The following BMP2K variants were observed in gnomAD, a reference collection of about 807,000 sequenced individuals.
BMP2K encodes the protein BMP-2-inducible protein kinase.
In BMP2K, 74 loss-of-function variants were observed where a neutral mutation model predicts 116.0. That is an observed-to-expected ratio of 0.64 (90% CI 0.53 to 0.77). The LOEUF (loss-of-function observed/expected upper bound fraction) is 0.77. BMP2K is among the 30% of genes least tolerant of loss of function. The pLI is 0.00. For missense variants in BMP2K, 1,365 were observed against 1,403.6 expected, an observed-to-expected ratio of 0.97 and a Z score of 0.44; for synonymous variants, 486 against 502.5, an observed-to-expected ratio of 0.97 and a Z score of 0.44.
chr4:78,825,889 C>A, intron 1 of BMP2K, 148 bp from the exon 2 acceptor site: 1 of 601,202 alleles, frequency 1.7e-6, no homozygotes, highest in Non-Finnish European at 2.9e-6. Context: ...AGTGTTTTGG[C>A]ATTTAATCTA....
chr4:78,797,712 A>G (rs1728365696), intron 1 of BMP2K, among the ~76,000 whole-genome samples: 1 of 152,172 alleles, frequency 6.6e-6, no homozygotes, highest in Admixed American at 6.5e-5. Context: ...CAGCTTTATA[A>G]GCTTGTCACA....
intron 1 of BMP2K, among the ~76,000 whole-genome samples, chr4:78,819,674 T>G (rs1729520442): frequency 6.6e-6 from 1 of 152,220 alleles, no homozygotes; most frequent in South Asian, 2.1e-4. Flanking sequence ...CACTTTTATG[T>G]CTGACTCCGA....
At chr4:78,792,334 A>G (rs1728042676) in intron 1 of BMP2K, among the ~76,000 whole-genome samples, 1 of 152,232 alleles carries the variant, frequency 6.6e-6, no homozygotes, top group Non-Finnish European at 1.5e-5. Flanking sequence ...CTTTTGCTGC[A>G]TAAGGAAGCA....
chr4:78,890,981 T>C (rs1018251881), intron 15 of BMP2K, among the ~76,000 whole-genome samples: 1 of 152,152 alleles, frequency 6.6e-6, no homozygotes, highest in Non-Finnish European at 1.5e-5. Flanking sequence ...GATTGCTTGC[T>C]TGAGGCCAAG....
At chr4:78,791,644 C>T (rs1185682330) in intron 1 of BMP2K, among the ~76,000 whole-genome samples, 4 of 152,172 alleles carry the variant, frequency 2.6e-5, no homozygotes, top group Non-Finnish European at 5.9e-5. Flanking sequence ...CCATGATTTA[C>T]TTTCCATTTC....
chr4:78,888,912 G>C (rs1283937036), intron 15 of BMP2K, among the ~76,000 whole-genome samples: 1 of 152,104 alleles, frequency 6.6e-6, no homozygotes, highest in East Asian at 1.9e-4. Context: ...ATTTAGGACA[G>C]TGGCCTTAAA....
At chr4:78,812,139 T>C (rs1488421143) in intron 1 of BMP2K, among the ~76,000 whole-genome samples, 1 of 152,100 alleles carries the variant, frequency 6.6e-6, no homozygotes, top group African/African-American at 2.4e-5. Flanking sequence ...GGCTAATTTT[T>C]GTATTTTTAG....
chr4:78,833,565 T>C lies in BMP2K; in HGVS notation c.298-17T>C. 1 of 1,524,630 alleles carries C rather than the reference T, an allele frequency of 6.6e-7. No homozygotes were observed. Among genetic ancestry groups the C allele is most frequent in the Non-Finnish European group, 8.9e-7 (1 of 1,125,104 alleles). The allele number at this position is 1,524,630 out of a possible 1,614,324, so 94.4% of individuals were successfully genotyped here. A position where few individuals can be genotyped will look rare whatever the true frequency, so the allele number is the denominator to read the frequency against. On this transcript the variant is annotated splice_polypyrimidine_tract_variant and intron_variant, in intron 2 of 15. Transcript: ENST00000502613. ...AAATGTACATTTTCCAGTTTTCATTTTTTTTTTTCTTTCCAGAAAGAGCTA... is the reference window on the plus strand; with the variant it reads ...AAATGTACATTTTCCAGTTTTCATTCTTTTTTTTCTTTCCAGAAAGAGCTA...
At chr4:78,799,612 T>C (rs557026585) in intron 1 of BMP2K, among the ~76,000 whole-genome samples, 2 of 152,352 alleles carry the variant, frequency 1.3e-5, no homozygotes, top group South Asian at 4.1e-4. Flanking sequence ...CCAAGTTTTA[T>C]CTTAGTATGA....
At chr4:78,800,329 T>C (rs987286493) in intron 1 of BMP2K, among the ~76,000 whole-genome samples, 1 of 152,214 alleles carries the variant, frequency 6.6e-6, no homozygotes, top group Non-Finnish European at 1.5e-5. Flanking sequence ...ACAAAGTGCA[T>C]GCATAAGCAT....
intron 14 of BMP2K, among the ~76,000 whole-genome samples, chr4:78,882,816 A>C (rs114114005): frequency 0.039 from 5,913 of 152,122 alleles, 156 homozygotes; most frequent in Non-Finnish European, 0.057. Flanking sequence ...TGTTTCACCT[A>C]TGAAGCCACA....
At position 78,910,926 on chromosome 4, in the gene BMP2K, TGAG is replaced by T. The variant is rs111246695; in HGVS notation, c.2382_2384del (p.Glu798del). The stretch of plus-strand genomic sequence containing the variant: ...GGCCTCTCCTCATGGATTCTGAAGA[TGAG>T]GAAGAAGAGGAGAAACATAGCTCTG... On this transcript the variant is annotated inframe_deletion, in exon 16 of 16. Coordinates refer to ENST00000502613, the MANE Select transcript of BMP2K (RefSeq NM_198892.2). The T allele has an allele frequency of 9.3e-6, 15 of 1,613,716 alleles. No individual in the cohort carries two copies. Among genetic ancestry groups the T allele is most frequent in the African/African-American group, 6.7e-5 (5 of 74,894 alleles).
chr4:78,895,418 T>C (rs767772961), intron 15 of BMP2K, among the ~76,000 whole-genome samples: 3 of 152,210 alleles, frequency 2.0e-5, no homozygotes, highest in Non-Finnish European at 4.4e-5. Flanking sequence ...TTTTTCTAAT[T>C]TCTCACAAAT....
intron 12 of BMP2K, chr4:78,872,303 CTTTT>C (rs34599936): frequency 2.2e-5 from 2 of 92,332 alleles, no homozygotes; most frequent in Admixed American, 1.8e-4. Flanking sequence ...ATAATTTGAC[CTTTT>C]TTTTTTTTTT....
At chr4:78,838,233 C>G (rs1730588941) in intron 3 of BMP2K, among the ~76,000 whole-genome samples, 1 of 152,204 alleles carries the variant, frequency 6.6e-6, no homozygotes, top group South Asian at 2.1e-4. Context: ...GAGAACAGCA[C>G]AGGAAAGACT....
At chr4:78,781,895 G>A (rs1727522746) in intron 1 of BMP2K, among the ~76,000 whole-genome samples, 1 of 152,150 alleles carries the variant, frequency 6.6e-6, no homozygotes, top group African/African-American at 2.4e-5. Context: ...TGCTAGAGAG[G>A]TATGAGGAAT....
chr4:78,812,935 T>A (rs1287327709), intron 1 of BMP2K, among the ~76,000 whole-genome samples: 1 of 152,066 alleles, frequency 6.6e-6, no homozygotes, highest in East Asian at 1.9e-4. Flanking sequence ...TTCCAGCTAT[T>A]TGGGAGGCTG....
chr4:78,881,474 G>T (rs920174251), intron 14 of BMP2K, among the ~76,000 whole-genome samples: 1 of 151,828 alleles, frequency 6.6e-6, no homozygotes, highest in Admixed American at 6.6e-5. Flanking sequence ...CACTCTTTTA[G>T]GGTTCAAAAA....
intron 8 of BMP2K, chr4:78,860,024 T>C (rs559223016): frequency 5.8e-6 from 3 of 515,268 alleles, no homozygotes; most frequent in Non-Finnish European, 1.1e-5. Flanking sequence ...AGTTTTTTTT[T>C]TTTTTTCTTA....
Sources: allele counts gnomAD v4.1 joint callset (sites outside exome capture counted in the v4.1 genomes callset), GRCh38; gene constraint gnomAD v4.1.1; transcripts MANE v1.5; gene names NCBI Gene and HGNC (gene_info 2026-07-23, HGNC 2026-07-21).